Variants in WWP1 observed in about 807,000 individuals in gnomAD.
WWP1 encodes the protein WW domain containing E3 ubiquitin protein ligase 1.
In WWP1, 49 loss-of-function variants were observed where a neutral mutation model predicts 130.6. The ratio of observed to expected loss-of-function variants is 0.38; its 90% CI spans 0.30 to 0.48. The LOEUF (loss-of-function observed/expected upper bound fraction) is 0.48. WWP1 is among the 20% of genes least tolerant of loss of function. The pLI is 0.99. For synonymous variants in WWP1, 332 were observed against 367.8 expected (o/e 0.90, Z 1.11); for missense variants, 809 against 1,100.6 (o/e 0.74, Z 3.75).
intron 21 of WWP1, among the ~76,000 whole-genome samples, chr8:86,454,173 A>G (rs1811321283): frequency 6.6e-6 from 1 of 152,120 alleles, no homozygotes; most frequent in Non-Finnish European, 1.5e-5. Flanking sequence ...ATAGGATAGT[A>G]TTTGCATATA....
At position 86,411,587 on chromosome 8, in the gene WWP1, G is replaced by A. The variant is rs766760701; in HGVS notation, c.774G>A (p.Thr258=). 2.5e-6 allele frequency: 4 copies of A among 1,613,946 alleles called. No individual in the cohort carries two copies. The highest frequency in any genetic ancestry group is 2.2e-5 in the East Asian group (1 of 44,868). The change falls in exon 9 of 25, where the codon ACG becomes ACA. Residue 258 remains threonine, a synonymous_variant. Coordinates refer to ENST00000517970, the MANE Select transcript of WWP1 (RefSeq NM_007013.4). ...SFAPTDNASV[T]GTPVVSEENA... ...CACCAACTGATAATGCGTCTGTCACGGGTACTCCAGTAGTGTCTGAAGAAA... is the reference window on the plus strand; with the variant it reads ...CACCAACTGATAATGCGTCTGTCACAGGTACTCCAGTAGTGTCTGAAGAAA...
intron 12 of WWP1, 78 bp downstream of exon 12, chr8:86,430,829 A>ATATATATATATATGTATG (rs1281641543): frequency 1.9e-6 from 1 of 534,140 alleles, no homozygotes; most frequent in African/African-American, 2.3e-5. Context: ...ATATATATAT[A>ATATATATATATATGTATG]TATGTTCCTT....
chr8:86,411,147 T>A lies in WWP1; in HGVS notation c.725-391T>A, dbSNP rs540755639. Among the ~76,000 whole-genome samples, 30 of 152,314 alleles carry A rather than the reference T, an allele frequency of 2.0e-4. No individual in the cohort carries two copies. In the South Asian group the frequency reaches 6.0e-3, roughly 31 times the overall value. Reference sequence around the variant, plus strand: ...ATTGGCAAAACAGTTCGTTTGATGTTAGCTACCACTTACACAAGGGAAGGG... The same window carrying A: ...ATTGGCAAAACAGTTCGTTTGATGTAAGCTACCACTTACACAAGGGAAGGG... On this transcript the variant is annotated intron_variant, in intron 8 of 24. Coordinates refer to ENST00000517970, the MANE Select transcript of WWP1 (RefSeq NM_007013.4).
rs1229951493 is a variant in WWP1 at position 86,442,769 on chromosome 8, T to G, written c.1989T>G (p.Phe663Leu). Residue 663 changes from phenylalanine (F) to leucine (L), a missense_variant, in exon 18 of 25, where the codon TTT becomes TTG. Phe to Leu is a conservative substitution (Grantham distance 22, BLOSUM62 0). Transcript: ENST00000517970. ...CATACTTCTGTTTCATTGGTCGTTTTATTGCCATGGTGAGTTCCTGACTTT... is the reference window on the plus strand; with the variant it reads ...CATACTTCTGTTTCATTGGTCGTTTGATTGCCATGGTGAGTTCCTGACTTT... ...HLSYFCFIGR[F>L]IAMALFHGKF... The G allele has an allele frequency of 6.2e-7, 1 of 1,609,040 alleles. No homozygotes were observed. Among genetic ancestry groups the G allele is most frequent in the South Asian group, 1.1e-5 (1 of 89,132 alleles).
intron 8 of WWP1, among the ~76,000 whole-genome samples, chr8:86,410,968 T>G (rs1808549569): frequency 6.6e-6 from 1 of 152,234 alleles, no homozygotes; most frequent in Admixed American, 6.5e-5. Context: ...TAGTGACACG[T>G]AGTCGAACTA....
At chr8:86,367,123 G>A (rs1369112624) in intron 1 of WWP1, among the ~76,000 whole-genome samples, 1 of 152,092 alleles carries the variant, frequency 6.6e-6, no homozygotes, top group Non-Finnish European at 1.5e-5. Flanking sequence ...AAACTGCTCT[G>A]TTACATATCA....
In WWP1 at chr8:86,452,587, G is replaced by T; in HGVS notation, c.2302G>T (p.Gly768Ter). Residue 768 changes from glycine (G) to a stop codon, truncating the protein, a stop_gained, in exon 21 of 25, where the codon GGA becomes TGA. Transcript: ENST00000517970. LOFTEE classifies it high-confidence loss of function. Reference protein sequence around the residue: ...GLMTEWRFSRGVQEQTKAFLD... With the variant: ...GLMTEWRFSR The stretch of plus-strand genomic sequence containing the variant: ...AATGACAGAATGGCGTTTTTCTCGA[G>T]GAGTACAAGAACAGACCAAAGCTTT... 1 of 1,604,696 alleles carries T rather than the reference G, an allele frequency of 6.2e-7. No individual in the cohort carries two copies. Among genetic ancestry groups the T allele is most frequent in the Non-Finnish European group, 8.5e-7 (1 of 1,176,346 alleles).
chr8:86,406,906 C>CT (rs1246300622), intron 8 of WWP1, among the ~76,000 whole-genome samples: 2 of 152,162 alleles, frequency 1.3e-5, no homozygotes, highest in African/African-American at 4.8e-5. Context: ...AGTATTTCTA[C>CT]TTTTTTCTTC....
intron 17 of WWP1, among the ~76,000 whole-genome samples, chr8:86,439,491 A>T (rs2130713091): frequency 6.6e-6 from 1 of 152,324 alleles, no homozygotes; most frequent in East Asian, 1.9e-4. Flanking sequence ...CACAGCACTC[A>T]GTCTGAATAT....
intron 1 of WWP1, among the ~76,000 whole-genome samples, chr8:86,354,160 T>C (rs1823118902): frequency 6.6e-6 from 1 of 152,240 alleles, no homozygotes; most frequent in African/African-American, 2.4e-5. Flanking sequence ...GAGAATAATA[T>C]ACCCAATTCA....
chr8:86,375,633 T>C (rs966895632), intron 3 of WWP1, among the ~76,000 whole-genome samples: 13 of 152,188 alleles, frequency 8.5e-5, no homozygotes, highest in Non-Finnish European at 1.6e-4. Flanking sequence ...CATTGCGCCA[T>C]ATCCTGTTGA....
chr8:86,380,040 AC>A (rs1055622771), intron 3 of WWP1, among the ~76,000 whole-genome samples: 4 of 152,234 alleles, frequency 2.6e-5, no homozygotes, highest in African/African-American at 9.6e-5. Context: ...ACATACGTCC[AC>A]AAAAAAGCCT....
At chr8:86,437,740 A>G (rs1471767205) in intron 16 of WWP1, among the ~76,000 whole-genome samples, 2 of 152,212 alleles carry the variant, frequency 1.3e-5, no homozygotes, top group Admixed American at 6.5e-5. Flanking sequence ...CCAATAACGT[A>G]AAGAGTCAGT....
chr8:86,418,151 T>C (rs929025905), intron 9 of WWP1, among the ~76,000 whole-genome samples: 10 of 152,212 alleles, frequency 6.6e-5, no homozygotes, highest in Admixed American at 2.6e-4. Context: ...ACAAGTAAAT[T>C]CACACATTGA....
rs181610672 is a variant in WWP1, at chr8:86,450,906, A to G, written c.2274-1653A>G. 6.8e-4 allele frequency among the ~76,000 whole-genome samples: 103 copies of G among 152,140 alleles called. 1 individual carries two copies. Among genetic ancestry groups the G allele is most frequent in the Non-Finnish European group, 8.8e-5 (6 of 68,002 alleles). ...GAAAGTTCTTCATAGGACATTATGT[A>G]TTAGACTATGTCTTAAAAGATGCAT... On this transcript the variant is annotated intron_variant, in intron 20 of 24. Transcript: ENST00000517970.
At chr8:86,421,353 A>T (rs1304968679) in intron 9 of WWP1, among the ~76,000 whole-genome samples, 1 of 152,106 alleles carries the variant, frequency 6.6e-6, no homozygotes, top group African/African-American at 2.4e-5. Context: ...AATTTTTTAA[A>T]TTTTTTGTGT....
At chr8:86,441,763 A>C (rs67123356) in intron 17 of WWP1, among the ~76,000 whole-genome samples, 40,607 of 152,144 alleles carry the variant, frequency 0.27, 6,316 homozygotes, top group East Asian at 0.54. Flanking sequence ...TAAGGAATGG[A>C]GGATTGTGGC....
chr8:86,370,727 T>C (rs1824237518), intron 2 of WWP1, among the ~76,000 whole-genome samples: 1 of 152,262 alleles, frequency 6.6e-6, no homozygotes, highest in African/African-American at 2.4e-5. Context: ...CAGTGTAGAA[T>C]GTTAAATCTT....
intron 5 of WWP1, among the ~76,000 whole-genome samples, chr8:86,390,388 A>C (rs540965663): frequency 2.6e-5 from 4 of 152,192 alleles, no homozygotes; most frequent in Non-Finnish European, 2.9e-5. Context: ...ACGCCACTGC[A>C]CTCCAGCCTG....
Sources: allele counts gnomAD v4.1 joint callset (sites outside exome capture counted in the v4.1 genomes callset), GRCh38; gene constraint gnomAD v4.1.1; transcripts MANE v1.5; gene names NCBI Gene and HGNC (gene_info 2026-07-23, HGNC 2026-07-21).